Variants in UNC79 observed in about 807,000 individuals in gnomAD.
UNC79 encodes the protein protein unc-79 homolog.
Under a neutral mutation model 283.1 loss-of-function variants are expected in UNC79, and 37 were observed. The observed-to-expected ratio is 0.13, with a 90% CI of 0.10 to 0.17. The LOEUF (loss-of-function observed/expected upper bound fraction) is 0.17, where lower values mean the gene tolerates loss of function less well. Among genes scored for constraint, UNC79 ranks in the 10% least tolerant of loss-of-function variants. UNC79 has a pLI of 1.00. For synonymous variants in UNC79, 1,107 were observed against 1,200.2 expected, an observed-to-expected ratio of 0.92 and a Z score of 1.61; for missense variants, 2,272 against 3,211.1, an observed-to-expected ratio of 0.71 and a Z score of 7.07.
intron 20 of UNC79, among the ~76,000 whole-genome samples, chr14:93,585,389 A>T (rs1390424656): frequency 1.3e-5 from 2 of 152,150 alleles, no homozygotes; most frequent in Admixed American, 1.3e-4. Context: ...CCTCCCTTCT[A>T]GTGTGTTTCC....
At chr14:93,609,588 G>A (rs1425829040) in intron 26 of UNC79, among the ~76,000 whole-genome samples, 2 of 152,070 alleles carry the variant, frequency 1.3e-5, no homozygotes, top group African/African-American at 4.8e-5. Flanking sequence ...AATCTCTATG[G>A]TTAGGACAGA....
intron 1 of UNC79, among the ~76,000 whole-genome samples, chr14:93,341,954 G>C (rs1595365153): frequency 6.6e-6 from 1 of 152,216 alleles, no homozygotes; most frequent in Non-Finnish European, 1.5e-5. Flanking sequence ...CCCCGTGACT[G>C]CTTTCACAGG....
intron 1 of UNC79, among the ~76,000 whole-genome samples, chr14:93,400,888 C>T (rs1364509739): frequency 6.6e-6 from 1 of 152,144 alleles, no homozygotes; most frequent in African/African-American, 2.4e-5. Flanking sequence ...AGAGACAAGA[C>T]AGGACTTGAA....
At chr14:93,643,769 C>G (rs1314263322) in intron 34 of UNC79, 72 bp downstream of exon 37, 2 of 1,566,878 alleles carry the variant, frequency 1.3e-6, no homozygotes, top group African/African-American at 2.7e-5. Flanking sequence ...TAAAAACTAC[C>G]AGTTCAAAAG....
chr14:93,377,007 T>A (rs1052574438), intron 1 of UNC79, among the ~76,000 whole-genome samples: 2 of 149,986 alleles, frequency 1.3e-5, no homozygotes, highest in Admixed American at 1.3e-4. Context: ...AGTGAAGGAG[T>A]AGACAGACTT....
chr14:93,607,354 T>C (rs536550982), intron 26 of UNC79, among the ~76,000 whole-genome samples: 1 of 152,344 alleles, frequency 6.6e-6, no homozygotes, highest in East Asian at 1.9e-4. Context: ...GTATATATAG[T>C]ATCTCTTTAC....
rs150465676 is a variant in UNC79, at chr14:93,658,668, C to T, written c.6457-525C>T. Among the ~76,000 whole-genome samples, 978 of 152,196 alleles carry T rather than the reference C, an allele frequency of 6.4e-3. 5 individuals carry two copies. Among genetic ancestry groups the T allele is most frequent in the Middle Eastern group, 0.044 (13 of 294 alleles). On this transcript the variant is annotated intron_variant, in intron 38 of 48. Coordinates refer to ENST00000555664, the Ensembl canonical transcript of UNC79. ...TTACTGCATTTTCTCAGGTTTTTGTCGTGTTGCTTCATAGCAGAGAAAGGG... is the reference window on the plus strand; with the variant it reads ...TTACTGCATTTTCTCAGGTTTTTGTTGTGTTGCTTCATAGCAGAGAAAGGG...
chr14:93,350,326 T>C lies in UNC79; in HGVS notation c.-351+16803T>C, dbSNP rs183212002. Among the ~76,000 whole-genome samples, 536 of 152,164 alleles carry C rather than the reference T, an allele frequency of 3.5e-3. 5 individuals carry two copies. The highest frequency in any genetic ancestry group is 0.012 in the African/African-American group (515 of 41,554). ...GGAAGTAAAAGAGATGTGAGAAAAG[T>C]TATGAATGTGAATATATTTTTGGTA... On this transcript the variant is annotated intron_variant, in intron 1 of 49. Coordinates refer to the UNC79 transcript ENST00000256339.
At chr14:93,437,450 A>T (rs2056129032) in intron 1 of UNC79, 1 of 152,156 alleles carries the variant, frequency 6.6e-6, no homozygotes, top group Non-Finnish European at 1.5e-5. Context: ...CGCAAGGGTC[A>T]TGCGAGTCTT....
chr14:93,554,317 C>T, intron 14 of UNC79, among the ~76,000 whole-genome samples: 1 of 148,852 alleles, frequency 6.7e-6, no homozygotes, highest in Admixed American at 6.7e-5. Context: ...CATTGTACTC[C>T]AGCCTGGGTG....
chr14:93,573,493 A>G (rs1317020952), intron 16 of UNC79, among the ~76,000 whole-genome samples: 1 of 152,218 alleles, frequency 6.6e-6, no homozygotes, highest in Non-Finnish European at 1.5e-5. Flanking sequence ...TGGATGTTCA[A>G]TTAAAGTTTA....
chr14:93,456,566 A>G (rs2056801977), intron 1 of UNC79, among the ~76,000 whole-genome samples: 1 of 152,096 alleles, frequency 6.6e-6, no homozygotes, highest in African/African-American at 2.4e-5. Context: ...TAGCTGTGCT[A>G]AGCTCTGTAT....
At chr14:93,704,524 G>A (rs745322111) in intron 47 of UNC79, 101 bp from the exon 51 acceptor site, 15 of 1,365,938 alleles carry the variant, frequency 1.1e-5, no homozygotes, top group South Asian at 2.3e-5. Context: ...CGTGCGCGAC[G>A]TGAAAGGGAT....
chr14:93,662,530 T>C (rs2071707836), intron 39 of UNC79, 74 bp from the exon 43 acceptor site: 5 of 1,038,784 alleles, frequency 4.8e-6, no homozygotes, highest in Non-Finnish European at 7.0e-6. Context: ...AGTTAAAGTA[T>C]CATAAGATTT....
intron 32 of UNC79, 49 bp from the exon 36 acceptor site, chr14:93,641,096 C>T (rs757028729): frequency 6.5e-7 from 1 of 1,531,494 alleles, no homozygotes; most frequent in Non-Finnish European, 9.0e-7. Flanking sequence ...TTTCTTGGCC[C>T]CTTGAAGCTC....
chr14:93,576,519 CA>C (rs2063486210), intron 17 of UNC79, among the ~76,000 whole-genome samples: 1 of 152,090 alleles, frequency 6.6e-6, no homozygotes, highest in African/African-American at 2.4e-5. Context: ...GAATTTATCC[CA>C]GATAGTTTAA....
At chr14:93,452,929 A>G (rs551277278) in intron 1 of UNC79, among the ~76,000 whole-genome samples, 103 of 152,324 alleles carry the variant, frequency 6.8e-4, no homozygotes, top group African/African-American at 2.4e-3. Context: ...TTGTTGTTCA[A>G]TTTTGTTCAA....
chr14:93,602,522 A>G (rs2065585400), intron 25 of UNC79, among the ~76,000 whole-genome samples: 1 of 152,170 alleles, frequency 6.6e-6, no homozygotes, highest in African/African-American at 2.4e-5. Flanking sequence ...GTATAGTTTA[A>G]ACTCCAGGAA....
At chr14:93,653,814 C>T in exon 36 of UNC79, 2 of 1,614,170 alleles carry the variant, frequency 1.2e-6, no homozygotes, top group Non-Finnish European at 1.7e-6. Context: ...AGTTGGCCCC[C>T]AACGGCATCT....
Sources: allele counts gnomAD v4.1 joint callset (sites outside exome capture counted in the v4.1 genomes callset), GRCh38; gene constraint gnomAD v4.1.1; transcripts MANE v1.5; gene names NCBI Gene and HGNC (gene_info 2026-07-23, HGNC 2026-07-21).